Variants in AGTPBP1 observed in about 807,000 individuals in gnomAD.
The protein encoded by AGTPBP1 is cytosolic carboxypeptidase 1.
A neutral mutation model predicts 143.9 loss-of-function variants in AGTPBP1; 70 were observed. The ratio of observed to expected loss-of-function variants is 0.49; its 90% confidence interval spans 0.40 to 0.59. The LOEUF is 0.59. Among genes scored for constraint, AGTPBP1 ranks in the 20% least tolerant of loss-of-function variants. The probability of loss-of-function intolerance (pLI) is 0.00; values close to 1 mark genes in which losing one functional copy is unlikely to be tolerated. For missense variants in AGTPBP1, 1,229 were observed against 1,464.5 expected, an observed-to-expected ratio of 0.84 and a Z score of 2.62; for synonymous variants, 463 against 500.2, an observed-to-expected ratio of 0.93 and a Z score of 0.99.
chr9:85,613,234 TTAAATACTTTGATCAACAGACAAAAATAA>T (rs1323697939), intron 17 of AGTPBP1, among the ~76,000 whole-genome samples: 2 of 151,746 alleles, frequency 1.3e-5, no homozygotes, highest in African/African-American at 4.8e-5. Context: ...AATTTGAAAC[TTAAATACTTTGATCAACAGACAAAAATAA>T]ATTTAGGTAA....
chr9:85,779,821 C>A, the AGTPBP1 span, among the ~76,000 whole-genome samples: 7 of 152,132 alleles, frequency 4.6e-5, no homozygotes, highest in Admixed American at 3.9e-4. Context: ...GATTGCACCA[C>A]TACACACTCT....
chr9:85,597,529 T>A (rs1411487048), intron 17 of AGTPBP1, among the ~76,000 whole-genome samples: 1 of 152,126 alleles, frequency 6.6e-6, no homozygotes, highest in Admixed American at 6.5e-5. Context: ...GCAAATCAAC[T>A]TTGTTATGTT....
chr9:85,709,573 A>C (rs1441322194), intron 2 of AGTPBP1, among the ~76,000 whole-genome samples: 3 of 152,174 alleles, frequency 2.0e-5, no homozygotes, highest in East Asian at 3.8e-4. Flanking sequence ...AGATATCAGC[A>C]AGAACGTGTA....
chr9:85,683,697 T>C (rs1270748571), intron 3 of AGTPBP1, among the ~76,000 whole-genome samples: 1 of 152,084 alleles, frequency 6.6e-6, no homozygotes, highest in Non-Finnish European at 1.5e-5. Flanking sequence ...GTGCTCCAAT[T>C]CATCAACCCT....
chr9:85,748,905 G>A, the AGTPBP1 span, among the ~76,000 whole-genome samples: 1 of 151,602 alleles, frequency 6.6e-6, no homozygotes, highest in Non-Finnish European at 1.5e-5. Context: ...CCATGCTTAG[G>A]GAAAAGAAGA....
At chr9:85,778,063 G>A in the AGTPBP1 span, among the ~76,000 whole-genome samples, 2 of 152,218 alleles carry the variant, frequency 1.3e-5, no homozygotes, top group African/African-American at 4.8e-5. Context: ...GGTGCAGGCT[G>A]GAGGAGAGAA....
chr9:85,645,233 T>C (rs1441832881), intron 12 of AGTPBP1, among the ~76,000 whole-genome samples: 1 of 152,212 alleles, frequency 6.6e-6, no homozygotes, highest in African/African-American at 2.4e-5. Flanking sequence ...TTGTTCTTAT[T>C]GCTATAACTG....
chr9:85,660,845 T>C, intron 9 of AGTPBP1, 91 bp downstream of exon 9: 3 of 1,001,638 alleles, frequency 3.0e-6, no homozygotes, highest in South Asian at 1.6e-5. Flanking sequence ...TTTATAACTA[T>C]AGTCTAAATC....
At chr9:85,571,312 T>C (rs542482211) in intron 25 of AGTPBP1, among the ~76,000 whole-genome samples, 1 of 152,122 alleles carries the variant, frequency 6.6e-6, no homozygotes, top group African/African-American at 2.4e-5. Context: ...CATGCAGTGA[T>C]AGCCTGGGAA....
chr9:85,576,585 A>T (rs910323091), intron 24 of AGTPBP1, among the ~76,000 whole-genome samples: 1 of 152,346 alleles, frequency 6.6e-6, no homozygotes, highest in Admixed American at 6.5e-5. Context: ...GTTCATAGAC[A>T]ATAAAAATAA....
intron 6 of AGTPBP1, 91 bp downstream of exon 6, chr9:85,677,345 C>G: frequency 8.5e-7 from 1 of 1,173,920 alleles, no homozygotes; most frequent in Non-Finnish European, 1.2e-6. Context: ...AAATAAATAA[C>G]ATTTTTAAAA....
the AGTPBP1 span, among the ~76,000 whole-genome samples, chr9:85,770,091 ATGTG>A: frequency 8.3e-6 from 1 of 120,968 alleles, no homozygotes; most frequent in Non-Finnish European, 1.7e-5. Flanking sequence ...GTGTGTGTGT[ATGTG>A]TATGTATACA....
the AGTPBP1 span, among the ~76,000 whole-genome samples, chr9:85,778,409 A>G: frequency 3.3e-5 from 5 of 152,084 alleles, no homozygotes; most frequent in African/African-American, 1.2e-4. Context: ...ACTGTGATTC[A>G]CCTATGGGGG....
chr9:85,588,920 C>G (rs1828781295), intron 20 of AGTPBP1, among the ~76,000 whole-genome samples: 1 of 152,062 alleles, frequency 6.6e-6, no homozygotes, highest in Non-Finnish European at 1.5e-5. Flanking sequence ...AGTTTATCTG[C>G]TCAGAGATTT....
At chr9:85,622,610 TA>T (rs1263483150) in intron 14 of AGTPBP1, among the ~76,000 whole-genome samples, 1 of 152,128 alleles carries the variant, frequency 6.6e-6, no homozygotes, top group African/African-American at 2.4e-5. Context: ...TTTTATTCTA[TA>T]AAAAATAACT....
At chr9:85,623,278 AT>A (rs1831057463) in intron 14 of AGTPBP1, among the ~76,000 whole-genome samples, 1 of 149,900 alleles carries the variant, frequency 6.7e-6, no homozygotes, top group Admixed American at 6.6e-5. Context: ...AAGGCTGGCA[AT>A]TGGTTTAAAA....
intron 13 of AGTPBP1, among the ~76,000 whole-genome samples, chr9:85,639,358 C>T (rs902094073): frequency 1.0e-4 from 13 of 130,464 alleles, no homozygotes; most frequent in African/African-American, 2.5e-4. Flanking sequence ...CACCCATGCG[C>T]GCGCACGCGC....
intron 14 of AGTPBP1, among the ~76,000 whole-genome samples, chr9:85,629,145 TTCTTA>T (rs1831497095): frequency 2.6e-5 from 4 of 152,232 alleles, no homozygotes; most frequent in South Asian, 4.1e-4. Flanking sequence ...ACCTTTTGAT[TTCTTA>T]TCATGCTACT....
intron 8 of AGTPBP1, among the ~76,000 whole-genome samples, chr9:85,664,503 CT>C (rs1324415318): frequency 6.6e-6 from 1 of 152,014 alleles, no homozygotes; most frequent in Admixed American, 6.6e-5. Flanking sequence ...AGTACTGTGC[CT>C]CCCAAGCCTA....
Sources: allele counts gnomAD v4.1 joint callset (sites outside exome capture counted in the v4.1 genomes callset), GRCh38; gene constraint gnomAD v4.1.1; transcripts MANE v1.5; gene names NCBI Gene and HGNC (gene_info 2026-07-23, HGNC 2026-07-21).